Variants in CBFA2T2 observed in about 807,000 individuals in gnomAD.
CBFA2T2 encodes the protein protein CBFA2T2.
CBFA2T2 carries 11 observed loss-of-function variants against 62.2 expected under a neutral mutation model. The ratio of observed to expected loss-of-function variants is 0.18; its 90% CI spans 0.11 to 0.29. The LOEUF (loss-of-function observed/expected upper bound fraction) is 0.29. CBFA2T2 is among the 10% of genes least tolerant of loss of function. The pLI is 1.00. For synonymous variants in CBFA2T2, 295 were observed against 287.5 expected (o/e 1.03, Z -0.27); for missense variants, 592 against 774.1 (o/e 0.76, Z 2.79).
intron 1 of CBFA2T2, among the ~76,000 whole-genome samples, chr20:33,513,969 C>T (rs2011554267): frequency 6.6e-6 from 1 of 150,644 alleles, no homozygotes; most frequent in South Asian, 2.1e-4. Flanking sequence ...GGTGCGATCT[C>T]GGCTCACTGC....
At chr20:33,591,284 G>A (rs954658763) in intron 1 of CBFA2T2, among the ~76,000 whole-genome samples, 1 of 151,322 alleles carries the variant, frequency 6.6e-6, no homozygotes, top group African/African-American at 2.4e-5. Flanking sequence ...GGAAGTTCGA[G>A]ACCAGCCTGG....
At chr20:33,565,658 T>C (rs1356021095) in intron 1 of CBFA2T2, among the ~76,000 whole-genome samples, 1 of 152,156 alleles carries the variant, frequency 6.6e-6, no homozygotes, top group African/African-American at 2.4e-5. Flanking sequence ...GCTACTGAGG[T>C]TATAACCAAG....
rs968666990 is a variant in CBFA2T2, at chr20:33,611,528, CT to C, written c.420+202del. On this transcript the variant is annotated intron_variant, in intron 3 of 10. Transcript: ENST00000342704. ...TTTCTTTTCTTTTCTTTTCTTCTTT[CT>C]TTTTTTTTGAGGGTCTTACTGTGTC... Among the ~76,000 whole-genome samples, 845 of 151,388 alleles carry C rather than the reference CT, an allele frequency of 5.6e-3. 5 individuals are homozygous for C. Among genetic ancestry groups the C allele is most frequent in the African/African-American group, 0.019 (789 of 41,288 alleles).
At chr20:33,562,269 G>A (rs2013113198) in intron 1 of CBFA2T2, 2 of 407,758 alleles carry the variant, frequency 4.9e-6, no homozygotes, top group African/African-American at 2.2e-5. Context: ...GATTGGCCAG[G>A]AGCCACTGGG....
At chr20:33,579,096 T>C (rs1391213008) in intron 1 of CBFA2T2, among the ~76,000 whole-genome samples, 2 of 150,444 alleles carry the variant, frequency 1.3e-5, no homozygotes, top group African/African-American at 2.4e-5. Flanking sequence ...CTTTTTGGTT[T>C]TTTTGGGGGT....
chr20:33,626,523 A>C (rs1166997711), intron 6 of CBFA2T2, among the ~76,000 whole-genome samples: 1 of 152,196 alleles, frequency 6.6e-6, no homozygotes, highest in African/African-American at 2.4e-5. Context: ...AAGAAACAGA[A>C]AAGAAACCTT....
chr20:33,624,267 A>G (rs974829868), intron 5 of CBFA2T2, among the ~76,000 whole-genome samples: 6 of 150,024 alleles, frequency 4.0e-5, no homozygotes, highest in Non-Finnish European at 8.9e-5. Flanking sequence ...AAAATTTATT[A>G]CAGTTGAATC....
intron 1 of CBFA2T2, among the ~76,000 whole-genome samples, chr20:33,542,161 A>G (rs188544724): frequency 6.0e-4 from 91 of 152,308 alleles, no homozygotes; most frequent in Admixed American, 1.6e-3. Context: ...CTACATTTTA[A>G]CAAGTTCCTC....
intron 1 of CBFA2T2, chr20:33,600,196 T>TTG (rs2015071652): frequency 7.2e-6 from 1 of 137,986 alleles, no homozygotes; most frequent in Non-Finnish European, 1.6e-5. Context: ...TTTTTTTTTT[T>TTG]TTTTTTTTTT....
chr20:33,607,991 A>G (rs1244245757), intron 2 of CBFA2T2, among the ~76,000 whole-genome samples: 5 of 152,240 alleles, frequency 3.3e-5, no homozygotes, highest in African/African-American at 1.2e-4. Context: ...AAATGATACC[A>G]AGTTTTGGTG....
chr20:33,631,335 C>CA (rs2016442698), intron 8 of CBFA2T2, among the ~76,000 whole-genome samples: 1 of 152,094 alleles, frequency 6.6e-6, no homozygotes, highest in South Asian at 2.1e-4. Flanking sequence ...CAAAAAACTC[C>CA]AAAAACAGAC....
intron 9 of CBFA2T2, among the ~76,000 whole-genome samples, chr20:33,637,138 G>A (rs2016660591): frequency 6.6e-6 from 1 of 152,122 alleles, no homozygotes; most frequent in Non-Finnish European, 1.5e-5. Context: ...CACCTTCTCT[G>A]TGCCTACCAT....
intron 1 of CBFA2T2, among the ~76,000 whole-genome samples, chr20:33,544,995 T>TAGAACAGAACAGAAC (rs1568810922): frequency 7.7e-4 from 99 of 128,576 alleles, no homozygotes; most frequent in South Asian, 2.4e-3. Flanking sequence ...TAGAATAGAA[T>TAGAACAGAACAGAAC]AGAATAGAAT....
intron 8 of CBFA2T2, among the ~76,000 whole-genome samples, chr20:33,636,373 G>T (rs1476108341): frequency 1.3e-5 from 2 of 151,964 alleles, no homozygotes; most frequent in Non-Finnish European, 2.9e-5. Flanking sequence ...GACATAATAG[G>T]TAAGTAAAAA....
At chr20:33,592,940 T>C (rs747972628) in intron 1 of CBFA2T2, among the ~76,000 whole-genome samples, 3 of 152,212 alleles carry the variant, frequency 2.0e-5, no homozygotes, top group Non-Finnish European at 2.9e-5. Flanking sequence ...ATTATTTTGT[T>C]TATATTAACT....
intron 1 of CBFA2T2, among the ~76,000 whole-genome samples, chr20:33,526,264 T>C (rs1164844965): frequency 6.6e-6 from 1 of 152,128 alleles, no homozygotes; most frequent in Non-Finnish European, 1.5e-5. Context: ...CCTAAGGCTA[T>C]TGAAATTTAA....
At chr20:33,620,911 A>G (rs2015935657) in intron 4 of CBFA2T2, among the ~76,000 whole-genome samples, 1 of 152,164 alleles carries the variant, frequency 6.6e-6, no homozygotes, top group Non-Finnish European at 1.5e-5. Flanking sequence ...TTCATACAAC[A>G]CTGTTACCTA....
intron 1 of CBFA2T2, among the ~76,000 whole-genome samples, chr20:33,523,083 T>C (rs2011779058): frequency 6.6e-6 from 1 of 152,224 alleles, no homozygotes; most frequent in South Asian, 2.1e-4. Flanking sequence ...ACCTTAGCCA[T>C]GGGGAATATA....
chr20:33,574,186 C>G (rs1465321606), intron 1 of CBFA2T2: 1 of 1,612,176 alleles, frequency 6.2e-7, no homozygotes, highest in African/African-American at 1.3e-5. Context: ...GGAACATAAG[C>G]AGATCACCAG....
Sources: allele counts gnomAD v4.1 joint callset (sites outside exome capture counted in the v4.1 genomes callset), GRCh38; gene constraint gnomAD v4.1.1; transcripts MANE v1.5; gene names NCBI Gene and HGNC (gene_info 2026-07-23, HGNC 2026-07-21).